The following PHAF1 variants were observed in gnomAD, a reference collection of about 807,000 sequenced individuals.
PHAF1 encodes the protein phagophore assembly factor 1.
A neutral mutation model predicts 63.1 loss-of-function variants in PHAF1; 23 were observed. That is an observed-to-expected ratio of 0.36 (90% CI 0.26 to 0.52). PHAF1 has a LOEUF of 0.52. PHAF1 is among the 20% of genes least tolerant of loss of function. The probability of loss-of-function intolerance (pLI) is 0.93; values close to 1 mark genes in which losing one functional copy is unlikely to be tolerated. For missense variants in PHAF1, 427 were observed against 517.2 expected (o/e 0.83, Z 1.69); for synonymous variants, 167 against 185.0 (o/e 0.90, Z 0.79).
At chr16:67,146,146 T>G (rs959474595) in intron 14 of PHAF1, 132 bp from the exon 15 acceptor site, 1 of 845,110 alleles carries the variant, frequency 1.2e-6, no homozygotes, top group African/African-American at 1.7e-5. Flanking sequence ...CAGGCCTGTG[T>G]GGGAAACAGA....
chr16:67,120,391 G>A (rs1482655877), intron 2 of PHAF1, among the ~76,000 whole-genome samples, 197 bp downstream of exon 2: 1 of 151,984 alleles, frequency 6.6e-6, no homozygotes, highest in African/African-American at 2.4e-5. Flanking sequence ...AGCTAGGTTT[G>A]GAAGAGCGGT....
intron 2 of PHAF1, among the ~76,000 whole-genome samples, chr16:67,121,303 T>C (rs1962961747): frequency 6.6e-6 from 1 of 151,324 alleles, no homozygotes; most frequent in Non-Finnish European, 1.5e-5. Flanking sequence ...GCCATTCTCC[T>C]GCCTCAGCCT....
Position 67,126,061 on chromosome 16 carries a change from T to G in PHAF1, c.231+19T>G, listed in dbSNP as rs561805468. 22 of 1,565,122 alleles carry G rather than the reference T, an allele frequency of 1.4e-5. No homozygotes were observed. In the South Asian group the frequency reaches 2.2e-4, roughly 16 times the overall value. On this transcript the variant is annotated intron_variant, in intron 3 of 15. Transcript: ENST00000219139. ...ACTTAAGGTAACTATAAATGACAAC[T>G]AATGTTTCATGTCCAGCTGGGCCAG... is the stretch of plus-strand genomic sequence containing the variant.
At chr16:67,143,745 G>A (rs1309698073) in intron 10 of PHAF1, among the ~76,000 whole-genome samples, 1 of 152,116 alleles carries the variant, frequency 6.6e-6, no homozygotes, top group African/African-American at 2.4e-5. Flanking sequence ...AGGACAAAGA[G>A]CTAAAATGGA....
At position 67,119,890 on chromosome 16, in the gene PHAF1, G is replaced by A. The variant is rs147088394; in HGVS notation, c.65-222G>A. On this transcript the variant is annotated intron_variant, in intron 1 of 15. Transcript: ENST00000219139. ...GCAAAAGAGTCCTTGCATTCAAAGA[G>A]TTGGACACCTGTGCACCGTCCAAGT... is the stretch of plus-strand genomic sequence containing the variant. Among the ~76,000 whole-genome samples, 7 of 152,196 alleles carry A rather than the reference G, an allele frequency of 4.6e-5. No individual in the cohort carries two copies. In the East Asian group the frequency reaches 1.4e-3, roughly 29 times the overall value.
At chr16:67,143,894 G>C (rs1361989967) in intron 10 of PHAF1, among the ~76,000 whole-genome samples, 1 of 151,928 alleles carries the variant, frequency 6.6e-6, no homozygotes, top group Non-Finnish European at 1.5e-5. Flanking sequence ...TTTGAGACCA[G>C]GCTGGCCAAC....
chr16:67,142,105 G>GCAGGTCATCCTGACGAGTATC (rs1963836189), intron 10 of PHAF1, among the ~76,000 whole-genome samples: 1 of 152,196 alleles, frequency 6.6e-6, no homozygotes, highest in South Asian at 2.1e-4. Context: ...CTTTCTGCAG[G>GCAGGTCATCCTGACGAGTATC]CAGGTCATCC....
intron 6 of PHAF1, 100 bp from the exon 7 acceptor site, chr16:67,134,068 A>G: frequency 9.8e-7 from 1 of 1,021,578 alleles, no homozygotes; most frequent in South Asian, 1.4e-5. Flanking sequence ...TGACCCTTTG[A>G]CCTGAGCAGC....
At chr16:67,118,943 A>AT (rs1417774426) in intron 1 of PHAF1, among the ~76,000 whole-genome samples, 1 of 151,584 alleles carries the variant, frequency 6.6e-6, no homozygotes, top group Non-Finnish European at 1.5e-5. Context: ...TGCCCAGCTA[A>AT]TTTTTTTACT....
At chr16:67,116,485 C>T (rs1962735984) in intron 1 of PHAF1, among the ~76,000 whole-genome samples, 1 of 152,192 alleles carries the variant, frequency 6.6e-6, no homozygotes, top group South Asian at 2.1e-4. Flanking sequence ...AAGCCATGGT[C>T]CCTTTTCCTT....
Position 67,147,885 on chromosome 16 carries a change from T to C in PHAF1, c.*754T>C, listed in dbSNP as rs1371502059. 1 of 152,750 alleles carries C rather than the reference T, an allele frequency of 6.5e-6. No homozygotes were observed. The allele number at this position is 152,750 out of a possible 1,614,324, so 9.5% of individuals were successfully genotyped here. A position where few individuals can be genotyped will look rare whatever the true frequency, so the allele number is the denominator to read the frequency against. On this transcript the variant is annotated 3_prime_UTR_variant, in exon 16 of 16. Transcript: ENST00000219139. ...GTTTTAGCCAAAGACATCTTCCTACTTTTGTTGTGTTTCAGCATTCTGTTC... is the reference window on the plus strand; with the variant it reads ...GTTTTAGCCAAAGACATCTTCCTACCTTTGTTGTGTTTCAGCATTCTGTTC...
intron 8 of PHAF1, among the ~76,000 whole-genome samples, chr16:67,136,736 C>T (rs907038352): frequency 6.6e-6 from 1 of 151,970 alleles, no homozygotes; most frequent in African/African-American, 2.4e-5. Flanking sequence ...GTGCACACCA[C>T]CACACCCAGC....
At chr16:67,138,354 A>C (rs1963683182) in intron 8 of PHAF1, among the ~76,000 whole-genome samples, 1 of 152,188 alleles carries the variant, frequency 6.6e-6, no homozygotes, top group African/African-American at 2.4e-5. Context: ...CTCAGTATTT[A>C]GTTATTTCAG....
intron 10 of PHAF1, among the ~76,000 whole-genome samples, chr16:67,142,949 G>A (rs1036119296): frequency 2.0e-5 from 3 of 152,226 alleles, no homozygotes; most frequent in African/African-American, 7.2e-5. Context: ...GGAAGATGGA[G>A]AGAATGGACT....
chr16:67,145,504 C>CA, intron 13 of PHAF1, 66 bp from the exon 14 acceptor site: 1 of 1,610,988 alleles, frequency 6.2e-7, no homozygotes, highest in Non-Finnish European at 8.5e-7. Context: ...GTCCTCTAGG[C>CA]CAGCCATTGG....
chr16:67,123,437 T>A (rs773567853), intron 2 of PHAF1, among the ~76,000 whole-genome samples: 1 of 151,880 alleles, frequency 6.6e-6, no homozygotes, highest in Non-Finnish European at 1.5e-5. Flanking sequence ...ATTAGCCAGG[T>A]GTGGTGGTGC....
At chr16:67,123,103 T>C (rs1963050320) in intron 2 of PHAF1, among the ~76,000 whole-genome samples, 1 of 151,444 alleles carries the variant, frequency 6.6e-6, no homozygotes, top group Non-Finnish European at 1.5e-5. Flanking sequence ...TTTTTTTTTT[T>C]TGAAGCAGCA....
chr16:67,131,449 G>T, intron 4 of PHAF1, 120 bp downstream of exon 4: 1 of 718,632 alleles, frequency 1.4e-6, no homozygotes, highest in Non-Finnish European at 2.3e-6. Context: ...CTGGTGCCAT[G>T]AATTCCTGAG....
chr16:67,134,534 A>G (rs1366697867), intron 8 of PHAF1, 67 bp downstream of exon 8: 1 of 1,329,756 alleles, frequency 7.5e-7, no homozygotes, highest in Non-Finnish European at 1.1e-6. Context: ...CTAAAATCCC[A>G]CGTGCTTAGG....
Sources: gnomAD v4.1 joint callset for allele counts (sites outside exome capture counted in the v4.1 genomes callset) on GRCh38, gnomAD v4.1.1 for gene constraint, MANE v1.5 for transcripts, NCBI Gene and HGNC (gene_info 2026-07-23, HGNC 2026-07-21) for gene names.